ATP9B: variants seen among roughly 807,000 people sequenced by gnomAD.
ATP9B encodes the protein probable phospholipid-transporting ATPase IIB.
In ATP9B, 110 loss-of-function variants were observed where a neutral mutation model predicts 146.1. The ratio of observed to expected loss-of-function variants is 0.75; its 90% CI spans 0.65 to 0.88. The LOEUF is 0.88. Among genes scored for constraint, ATP9B ranks in the 40% least tolerant of loss-of-function variants. The pLI is 0.00. For missense variants in ATP9B, 1,499 were observed against 1,496.4 expected (o/e 1.00, Z -0.03); for synonymous variants, 604 against 569.7 (o/e 1.06, Z -0.86).
At chr18:79,190,549 T>G (rs369704849) in intron 8 of ATP9B, among the ~76,000 whole-genome samples, 1 of 112,436 alleles carries the variant, frequency 8.9e-6, no homozygotes, top group African/African-American at 4.0e-5. Context: ...CACACACATA[T>G]ACATATATTT....
chr18:79,191,709 C>G (rs138293245), intron 8 of ATP9B, among the ~76,000 whole-genome samples: 33 of 152,252 alleles, frequency 2.2e-4, no homozygotes, highest in African/African-American at 7.2e-4. Context: ...CTTGCTTACT[C>G]GTTAGGAGCA....
chr18:79,320,424 T>TG (rs1179112473), intron 15 of ATP9B, among the ~76,000 whole-genome samples: 2 of 152,080 alleles, frequency 1.3e-5, no homozygotes, highest in African/African-American at 2.4e-5. Flanking sequence ...TGGAGAGTGA[T>TG]GGGGAGGGCC....
Position 79,193,259 on chromosome 18 carries a change from C to T in ATP9B, c.950C>T (p.Thr317Ile). The change falls in exon 9 of 30, where the codon ACC becomes ATC. Residue 317 changes from threonine (T) to isoleucine (I), a missense_variant. By Grantham distance (89) the Thr-to-Ile change is moderately conservative. Coordinates refer to ENST00000426216, the MANE Select transcript of ATP9B (RefSeq NM_198531.5). The stretch of plus-strand genomic sequence containing the variant: ...ATTCACAGTTTCGAAGGCACATTTA[C>T]CAGGGTAAGTTAAACCTGTTGTTCA... ...MDIHSFEGTF[T>I]REDSDPPIHE... The T allele has an allele frequency of 6.2e-7, 1 of 1,604,022 alleles. No individual in the cohort carries two copies. Among genetic ancestry groups the T allele is most frequent in the Non-Finnish European group, 8.5e-7 (1 of 1,170,966 alleles).
intron 5 of ATP9B, among the ~76,000 whole-genome samples, chr18:79,127,050 A>G (rs1398027767): frequency 6.6e-6 from 1 of 152,234 alleles, no homozygotes; most frequent in Non-Finnish European, 1.5e-5. Flanking sequence ...CTGAATGGGT[A>G]TTCATAGTAA....
chr18:79,102,870 A>T (rs909879529), intron 2 of ATP9B, among the ~76,000 whole-genome samples: 2 of 152,244 alleles, frequency 1.3e-5, no homozygotes, highest in Admixed American at 1.3e-4. Context: ...CTAAGTGTTT[A>T]ACTTTTTGGA....
At chr18:79,156,270 T>C (rs1320724677) in intron 7 of ATP9B, among the ~76,000 whole-genome samples, 1 of 152,180 alleles carries the variant, frequency 6.6e-6, no homozygotes, top group Admixed American at 6.5e-5. Context: ...TCTTTCCTCT[T>C]GGAAACACAG....
Position 79,143,053 on chromosome 18 carries a change from G to T in ATP9B, c.668-749G>T, listed in dbSNP as rs554886396. ...AGTGAGACAGGGAGAGAGTGAGGAAGTGAGGGAAAGAGGTTGGGAGAGGCC... is the reference window on the plus strand; with the variant it reads ...AGTGAGACAGGGAGAGAGTGAGGAATTGAGGGAAAGAGGTTGGGAGAGGCC... On this transcript the variant is annotated intron_variant, in intron 5 of 29. Coordinates refer to ENST00000426216, the MANE Select transcript of ATP9B (RefSeq NM_198531.5). Among the ~76,000 whole-genome samples, 36 of 152,270 alleles carry T rather than the reference G, an allele frequency of 2.4e-4. No individual in the cohort carries two copies. The South Asian group carries it at 7.3e-3, about 31-fold the overall frequency.
chr18:79,200,458 A>G (rs2095458483), intron 9 of ATP9B, among the ~76,000 whole-genome samples: 1 of 152,240 alleles, frequency 6.6e-6, no homozygotes, highest in Non-Finnish European at 1.5e-5. Flanking sequence ...AACACTATTC[A>G]TGAAGTTGAC....
intron 9 of ATP9B, among the ~76,000 whole-genome samples, chr18:79,196,990 T>C (rs1299612022): frequency 6.6e-6 from 1 of 152,206 alleles, no homozygotes; most frequent in East Asian, 1.9e-4. Context: ...CAGTAAAATA[T>C]ATCATTTTAA....
intron 25 of ATP9B, 72 bp downstream of exon 25, chr18:79,348,268 A>T: frequency 9.1e-7 from 1 of 1,099,850 alleles, no homozygotes. Context: ...AAAAAAAAAA[A>T]ACAAAAAACG....
chr18:79,101,295 C>T (rs139727716), intron 2 of ATP9B, among the ~76,000 whole-genome samples: 3 of 152,162 alleles, frequency 2.0e-5, no homozygotes, highest in East Asian at 3.9e-4. Context: ...TGTTACATAA[C>T]TGAAATTACT....
rs1304879263 is a variant in ATP9B at position 79,118,384 on chromosome 18, G to GTTTTTTTTTTTTTTTTTTTTTT, written c.558+5035_558+5036insTTTTTTTTTTTTTTTTTTTTTT. 6.8e-5 allele frequency among the ~76,000 whole-genome samples: 5 copies of GTTTTTTTTTTTTTTTTTTTTTT among 73,490 alleles called. 2 individuals carry two copies. Among genetic ancestry groups the GTTTTTTTTTTTTTTTTTTTTTT allele is most frequent in the African/African-American group, 2.7e-4 (5 of 18,676 alleles). The allele number at this position is 73,490 out of a possible 152,430, so 48.2% of individuals were successfully genotyped here. Reference sequence around the variant, plus strand: ...ATTTTAAAACACAATCATATTGAACGTTTTTGTTTTTTTTTTTTTTTTTTT... The same window carrying GTTTTTTTTTTTTTTTTTTTTTT: ...ATTTTAAAACACAATCATATTGAACGTTTTTTTTTTTTTTTTTTTTTTTTTTTGTTTTTTTTTTTTTTTTTTT... On this transcript the variant is annotated intron_variant, in intron 4 of 29. Transcript: ENST00000426216.
At chr18:79,162,260 C>G (rs1380606352) in intron 7 of ATP9B, among the ~76,000 whole-genome samples, 3 of 152,118 alleles carry the variant, frequency 2.0e-5, no homozygotes, top group Admixed American at 1.3e-4. Flanking sequence ...CTCATGGCAT[C>G]GTATTGACTG....
chr18:79,257,655 G>A (rs1222278812), intron 12 of ATP9B, among the ~76,000 whole-genome samples: 1 of 152,246 alleles, frequency 6.6e-6, no homozygotes, highest in African/African-American at 2.4e-5. Flanking sequence ...TCCCAGCACA[G>A]CAGAGACGGC....
At chr18:79,259,469 T>G (rs1229609668) in intron 12 of ATP9B, among the ~76,000 whole-genome samples, 1 of 152,238 alleles carries the variant, frequency 6.6e-6, no homozygotes, top group Non-Finnish European at 1.5e-5. Context: ...AGAATGTTGT[T>G]TGACAAAGTG....
At chr18:79,236,763 GC>G (rs1260715386) in intron 11 of ATP9B, among the ~76,000 whole-genome samples, 3 of 147,814 alleles carry the variant, frequency 2.0e-5, no homozygotes, top group Non-Finnish European at 4.5e-5. Flanking sequence ...CACGGTCCGT[GC>G]ACGAGTCAGT....
chr18:79,104,800 G>A (rs1033789085), intron 2 of ATP9B, among the ~76,000 whole-genome samples: 1 of 151,718 alleles, frequency 6.6e-6, no homozygotes, highest in African/African-American at 2.4e-5. Flanking sequence ...CTGGAGTGCA[G>A]TGGTGCCATT....
In ATP9B at chr18:79,280,700, A is replaced by G. The variant is rs1014246148; in HGVS notation, c.1411+3504A>G. Among the ~76,000 whole-genome samples the G allele has an allele frequency of 4.6e-5, 7 of 152,346 alleles. No individual in the cohort carries two copies. In the East Asian group the frequency reaches 5.8e-4, roughly 13 times the overall value. On this transcript the variant is annotated intron_variant, in intron 13 of 29. Coordinates refer to ENST00000426216, the MANE Select transcript of ATP9B (RefSeq NM_198531.5). ...CTAGAAACACATGTGCTTATCAGAC[A>G]TGTATGAGAAAGTTACACAAATTTG...
intron 7 of ATP9B, among the ~76,000 whole-genome samples, chr18:79,157,460 T>C (rs1294457291): frequency 6.6e-6 from 1 of 151,508 alleles, no homozygotes; most frequent in Non-Finnish European, 1.5e-5. Context: ...TTGCTTTTTC[T>C]TGTGTTATTT....
Sources: allele counts gnomAD v4.1 joint callset (sites outside exome capture counted in the v4.1 genomes callset), GRCh38; gene constraint gnomAD v4.1.1; transcripts MANE v1.5; gene names NCBI Gene and HGNC (gene_info 2026-07-23, HGNC 2026-07-21).